ZMYND12: variants seen among roughly 807,000 people sequenced by gnomAD.
The protein encoded by ZMYND12 is zinc finger MYND domain-containing protein 12.
ZMYND12 carries 32 observed loss-of-function variants against 41.7 expected under a neutral mutation model. The observed-to-expected ratio is 0.77, with a 90% CI of 0.58 to 1.03. The LOEUF (loss-of-function observed/expected upper bound fraction) is 1.03, where lower values mean the gene tolerates loss of function less well. Among genes scored for constraint, ZMYND12 ranks in the 50% least tolerant of loss-of-function variants. The probability of loss-of-function intolerance (pLI) is 0.00; values close to 1 mark genes in which losing one functional copy is unlikely to be tolerated. For missense variants in ZMYND12, 424 were observed against 438.5 expected (o/e 0.97, Z 0.30); for synonymous variants, 148 against 164.8 (o/e 0.90, Z 0.78).
rs1322223094 is a variant in ZMYND12 at position 42,448,540 on chromosome 1, G to A, written c.351C>T (p.Phe117=). Residue 117 remains phenylalanine (F), a synonymous_variant, in exon 3 of 8, where the codon TTC becomes TTT. Transcript: ENST00000372565. ...AGCTCAGGCCATACAGCTTCACACG[G>A]AAGCGAAGGGACTGCAAAGCTGCTG... is the stretch of plus-strand genomic sequence containing the variant. ...AVPAALQSLR[F]RVKLYGLSSV... The A allele has an allele frequency of 6.2e-7, 1 of 1,613,928 alleles. No individual in the cohort carries two copies. The highest frequency in any genetic ancestry group is 1.7e-5 in the Admixed American group (1 of 60,008).
intron 2 of ZMYND12, among the ~76,000 whole-genome samples, chr1:42,448,990 C>T (rs566863243): frequency 6.6e-6 from 1 of 152,332 alleles, no homozygotes; most frequent in Non-Finnish European, 1.5e-5. Flanking sequence ...CTGAAACTTT[C>T]TGCCTTCCTA....
chr1:42,449,708 A>T, intron 2 of ZMYND12, among the ~76,000 whole-genome samples: 1 of 152,190 alleles, frequency 6.6e-6, no homozygotes, highest in East Asian at 1.9e-4. Context: ...GTGATATTTG[A>T]TTGTGACAGT....
At chr1:42,431,291 T>C (rs1255501600) in intron 7 of ZMYND12, among the ~76,000 whole-genome samples, 1 of 152,144 alleles carries the variant, frequency 6.6e-6, no homozygotes, top group African/African-American at 2.4e-5. Flanking sequence ...CTTCCTTCCT[T>C]CCTATAAATT....
At position 42,430,803 on chromosome 1, in the gene ZMYND12, A is replaced by C; in HGVS notation, c.1031T>G (p.Val344Gly). 6.2e-7 allele frequency: 1 copy of C among 1,614,202 alleles called. No individual in the cohort carries two copies. Among genetic ancestry groups the C allele is most frequent in the South Asian group, 1.1e-5 (1 of 91,078 alleles). ...CTCTTGAATGGTGCTTTGCTCATGG[A>C]CATCAAGCTGTTGTTCTTTGGCTAG... ...LSLAKEQQLD[V>G]HEQSTIQELL... Residue 344 changes from valine (V) to glycine (G), a missense_variant, in exon 8 of 8, where the codon GTC becomes GGC. By Grantham distance (109) the Val-to-Gly change is moderately radical. Transcript: ENST00000372565.
intron 6 of ZMYND12, among the ~76,000 whole-genome samples, chr1:42,433,553 C>T (rs1349143299): frequency 6.6e-6 from 1 of 152,230 alleles, no homozygotes; most frequent in African/African-American, 2.4e-5. Flanking sequence ...CTCACTCCCA[C>T]AGGTCCCAAA....
At chr1:42,445,269 C>A (rs369613387) in intron 3 of ZMYND12, among the ~76,000 whole-genome samples, 1 of 151,568 alleles carries the variant, frequency 6.6e-6, no homozygotes, top group East Asian at 2.0e-4. Context: ...CCTATCTCTA[C>A]TAAAACTACA....
intron 3 of ZMYND12, among the ~76,000 whole-genome samples, chr1:42,444,204 G>A (rs1011049792): frequency 2.6e-5 from 4 of 152,070 alleles, no homozygotes; most frequent in Non-Finnish European, 4.4e-5. Context: ...AGCCAGCCAC[G>A]TATGAGAGAG....
intron 2 of ZMYND12, among the ~76,000 whole-genome samples, chr1:42,449,628 C>T (rs1328277759): frequency 6.6e-6 from 1 of 152,194 alleles, no homozygotes; most frequent in Non-Finnish European, 1.5e-5. Context: ...CTGCTGACCC[C>T]TTGATCTTGG....
chr1:42,436,676 T>C (rs1413497813), intron 4 of ZMYND12, 133 bp from the exon 5 acceptor site: 9 of 1,060,940 alleles, frequency 8.5e-6, no homozygotes, highest in South Asian at 3.4e-5. Context: ...AAGATCTGAA[T>C]TGACATTTCT....
chr1:42,455,873 C>G lies in ZMYND12; in HGVS notation c.110+15G>C. On this transcript the variant is annotated intron_variant, in intron 1 of 7. Transcript: ENST00000372565. ...AGGGAGTTATAGCGCCCAGGTGCCA[C>G]GTTTCAGGGCCTACCAGTAATAAGT... is the stretch of plus-strand genomic sequence containing the variant. The G allele has an allele frequency of 6.3e-7, 1 of 1,591,560 alleles. No individual in the cohort carries two copies. Among genetic ancestry groups the G allele is most frequent in the Non-Finnish European group, 8.6e-7 (1 of 1,164,770 alleles).
At chr1:42,443,715 G>A (rs1292537723) in intron 3 of ZMYND12, among the ~76,000 whole-genome samples, 1 of 152,150 alleles carries the variant, frequency 6.6e-6, no homozygotes, top group Non-Finnish European at 1.5e-5. Context: ...ATCATCAGAT[G>A]AGGAATTTGA....
At chr1:42,435,230 GA>G in intron 6 of ZMYND12, 43 bp downstream of exon 6, 1 of 1,429,624 alleles carries the variant, frequency 7.0e-7, no homozygotes. Context: ...TGTATTGGGT[GA>G]GATGAAGTCA....
chr1:42,433,398 C>T (rs1642875503), intron 6 of ZMYND12, 110 bp from the exon 7 acceptor site: 8 of 1,305,450 alleles, frequency 6.1e-6, no homozygotes, highest in South Asian at 1.7e-5. Flanking sequence ...TTCCCAAGGG[C>T]ACTGGTGGAA....
In ZMYND12 at chr1:42,430,661, C is replaced by A. The variant is rs201373280; in HGVS notation, c.*75G>T. ...TTCAGCAGTCTACAGTACCTCAAAGCAGTTGTGCAAGGCTGGAATATATTA... is the reference window on the plus strand; with the variant it reads ...TTCAGCAGTCTACAGTACCTCAAAGAAGTTGTGCAAGGCTGGAATATATTA... On this transcript the variant is annotated 3_prime_UTR_variant, in exon 8 of 8. Transcript: ENST00000372565. 11 of 1,578,678 alleles carry A rather than the reference C, an allele frequency of 7.0e-6. No homozygotes were observed. The East Asian group carries it at 2.0e-4, about 29-fold the overall frequency.
intron 3 of ZMYND12, among the ~76,000 whole-genome samples, chr1:42,444,144 G>C (rs971273073): frequency 6.6e-6 from 1 of 152,116 alleles, no homozygotes; most frequent in African/African-American, 2.4e-5. Context: ...ATTACAGGTG[G>C]GAGTCACCAT....
At chr1:42,432,925 G>T in intron 7 of ZMYND12, 1 of 536,378 alleles carries the variant, frequency 1.9e-6, no homozygotes, top group Non-Finnish European at 3.2e-6. Context: ...CTTTATCTAT[G>T]CAAGACTGGG....
intron 3 of ZMYND12, among the ~76,000 whole-genome samples, chr1:42,442,942 C>G (rs1557768902): frequency 6.6e-6 from 1 of 152,180 alleles, no homozygotes; most frequent in Non-Finnish European, 1.5e-5. Context: ...TCCCTCCAGG[C>G]TTTGTCTATA....
intron 3 of ZMYND12, 108 bp downstream of exon 3, chr1:42,448,359 A>G: frequency 7.7e-7 from 1 of 1,298,098 alleles, no homozygotes; most frequent in Non-Finnish European, 1.0e-6. Context: ...TGCTCCTTCT[A>G]CAATAGGTCT....
chr1:42,448,658 A>C lies in ZMYND12; in HGVS notation c.253-20T>G. The C allele has an allele frequency of 6.3e-7, 1 of 1,585,510 alleles. No homozygotes were observed. Among genetic ancestry groups the C allele is most frequent in the Non-Finnish European group, 8.6e-7 (1 of 1,163,568 alleles). ...ATACTTCTGTGGAAGAGAGAAACAGACTATCTGAGACAGTCTAAAGTTAAA... is the reference window on the plus strand; with the variant it reads ...ATACTTCTGTGGAAGAGAGAAACAGCCTATCTGAGACAGTCTAAAGTTAAA... On this transcript the variant is annotated intron_variant, in intron 2 of 7. Transcript: ENST00000372565.
Sources: allele counts gnomAD v4.1 joint callset (sites outside exome capture counted in the v4.1 genomes callset), GRCh38; gene constraint gnomAD v4.1.1; transcripts MANE v1.5; gene names NCBI Gene and HGNC (gene_info 2026-07-23, HGNC 2026-07-21).